CDH18: variants seen among roughly 807,000 people sequenced by gnomAD.
CDH18 encodes cadherin-18.
CDH18 carries 31 observed loss-of-function variants against 67.9 expected under a neutral mutation model. The observed-to-expected ratio is 0.46, with a 90% CI of 0.34 to 0.62. The LOEUF (loss-of-function observed/expected upper bound fraction) is 0.62. Among genes scored for constraint, CDH18 ranks in the 20% least tolerant of loss-of-function variants. CDH18 has a pLI of 0.01. For missense variants in CDH18, 890 were observed against 975.5 expected (o/e 0.91, Z 1.17); for synonymous variants, 362 against 347.2 (o/e 1.04, Z -0.48).
intron 9 of CDH18, among the ~76,000 whole-genome samples, chr5:19,522,292 A>T (rs1359472182): frequency 6.6e-6 from 1 of 152,172 alleles, no homozygotes; most frequent in Non-Finnish European, 1.5e-5. Context: ...TGCATCATAC[A>T]TCATTCTTAA....
In CDH18 at chr5:19,963,193, C is replaced by A. The variant is rs1204167542; in HGVS notation, c.-257+17867G>T. Among the ~76,000 whole-genome samples, 6 of 152,112 alleles carry A rather than the reference C, an allele frequency of 3.9e-5. 1 individual carries two copies. Among genetic ancestry groups the A allele is most frequent in the Admixed American group, 2.0e-4 (3 of 15,274 alleles). On this transcript the variant is annotated intron_variant, in intron 2 of 12. Transcript: ENST00000382275. ...TTCCTTACATACCGTCATAATTTTACAGTATTTCCATTTATGAAGGTTTAA... is the reference window on the plus strand; with the variant it reads ...TTCCTTACATACCGTCATAATTTTAAAGTATTTCCATTTATGAAGGTTTAA...
intron 2 of CDH18, among the ~76,000 whole-genome samples, chr5:20,066,608 T>C (rs1490408831): frequency 6.6e-6 from 1 of 152,020 alleles, no homozygotes; most frequent in Non-Finnish European, 1.5e-5. Flanking sequence ...ATTTAAAGTA[T>C]CCAATTTTGT....
At chr5:20,566,117 G>A (rs1758488856) in intron 1 of CDH18, among the ~76,000 whole-genome samples, 1 of 151,966 alleles carries the variant, frequency 6.6e-6, no homozygotes, top group South Asian at 2.1e-4. Context: ...GTAAAGTCAG[G>A]AGATACTAAG....
In CDH18 at chr5:19,585,751, C is replaced by T. The variant is rs564923819; in HGVS notation, c.999+5306G>A. ...TTTGCTTTATAATCTTTCTCCACCA[C>T]GTAGGTACTAACCTTCTCCAAGAAG... On this transcript the variant is annotated intron_variant, in intron 7 of 12. Transcript: ENST00000382275. 4.0e-4 allele frequency among the ~76,000 whole-genome samples: 61 copies of T among 152,310 alleles called. 1 individual carries two copies. The South Asian group carries it at 9.5e-3, about 24-fold the overall frequency.
chr5:20,203,138 G>A (rs887191155), intron 2 of CDH18, among the ~76,000 whole-genome samples: 32 of 152,254 alleles, frequency 2.1e-4, no homozygotes, highest in South Asian at 1.2e-3. Flanking sequence ...CCTACTCATG[G>A]TTTCTGTACT....
chr5:20,028,174 G>A (rs1317154569), intron 2 of CDH18, among the ~76,000 whole-genome samples: 1 of 150,572 alleles, frequency 6.6e-6, no homozygotes, highest in Non-Finnish European at 1.5e-5. Context: ...AACTACTTGT[G>A]CACCAAGCTG....
intron 1 of CDH18, among the ~76,000 whole-genome samples, chr5:20,280,524 A>G (rs569384788): frequency 6.6e-6 from 1 of 152,272 alleles, no homozygotes; most frequent in African/African-American, 2.4e-5. Flanking sequence ...ATGTCCCTAC[A>G]AAGGACATGA....
At chr5:19,739,085 A>C (rs1019021551) in intron 4 of CDH18, among the ~76,000 whole-genome samples, 1 of 152,176 alleles carries the variant, frequency 6.6e-6, no homozygotes, top group Non-Finnish European at 1.5e-5. Flanking sequence ...TTACCCAATG[A>C]AACAGATATT....
At chr5:20,091,590 C>T (rs1246722408) in intron 2 of CDH18, among the ~76,000 whole-genome samples, 1 of 152,152 alleles carries the variant, frequency 6.6e-6, no homozygotes, top group African/African-American at 2.4e-5. Flanking sequence ...ATCATTATAG[C>T]TCAGCCAATA....
intron 1 of CDH18, among the ~76,000 whole-genome samples, chr5:20,333,524 T>TACAC (rs1464026115): frequency 8.7e-5 from 9 of 103,384 alleles, no homozygotes; most frequent in African/African-American, 3.0e-4. Context: ...AAAAACAATA[T>TACAC]ATATACACAC....
At chr5:20,258,643 G>C (rs899792120) in intron 1 of CDH18, among the ~76,000 whole-genome samples, 14 of 151,998 alleles carry the variant, frequency 9.2e-5, no homozygotes, top group Non-Finnish European at 1.3e-4. Context: ...TTATTTATTT[G>C]TATTTAATTT....
intron 4 of CDH18, 34 bp downstream of exon 4, chr5:19,746,908 T>C (rs749094890): frequency 6.4e-7 from 1 of 1,574,688 alleles, no homozygotes; most frequent in Non-Finnish European, 8.7e-7. Context: ...TCTTAATATG[T>C]TAATTGCATA....
chr5:19,618,469 G>A (rs146949294), intron 5 of CDH18, among the ~76,000 whole-genome samples: 4,900 of 152,246 alleles, frequency 0.032, 255 homozygotes, highest in African/African-American at 0.11. Context: ...GCCTCCCGAA[G>A]TGCTGGGATT....
intron 2 of CDH18, among the ~76,000 whole-genome samples, chr5:19,979,462 G>A (rs530493610): frequency 6.6e-6 from 1 of 152,064 alleles, no homozygotes; most frequent in African/African-American, 2.4e-5. Flanking sequence ...AAATCACTAG[G>A]AAATGGCAAG....
chr5:19,912,388 G>A (rs1791250817), intron 2 of CDH18, among the ~76,000 whole-genome samples: 1 of 152,108 alleles, frequency 6.6e-6, no homozygotes, highest in Non-Finnish European at 1.5e-5. Context: ...TAGTGACACA[G>A]AGGACATGTT....
At chr5:19,815,351 T>C (rs1359111797) in intron 3 of CDH18, among the ~76,000 whole-genome samples, 1 of 151,972 alleles carries the variant, frequency 6.6e-6, no homozygotes, top group Non-Finnish European at 1.5e-5. Context: ...TATGAAAACA[T>C]GTTTATATAG....
intron 2 of CDH18, among the ~76,000 whole-genome samples, chr5:19,994,829 A>AATATAT (rs1554078421): frequency 8.6e-4 from 18 of 21,030 alleles, no homozygotes; most frequent in East Asian, 1.6e-3. Flanking sequence ...ATATAAAGAG[A>AATATAT]ATATATATAT....
At chr5:19,889,907 CAT>C (rs1274208986) in intron 2 of CDH18, among the ~76,000 whole-genome samples, 2 of 152,096 alleles carry the variant, frequency 1.3e-5, no homozygotes, top group Non-Finnish European at 2.9e-5. Context: ...AATATGTACA[CAT>C]GAGAAAAATC....
chr5:20,463,776 C>T (rs1252588129), intron 1 of CDH18, among the ~76,000 whole-genome samples: 1 of 152,122 alleles, frequency 6.6e-6, no homozygotes, highest in Non-Finnish European at 1.5e-5. Context: ...GTGAGGAATG[C>T]CGTCTATTTG....
Sources: gnomAD v4.1 joint callset for allele counts (sites outside exome capture counted in the v4.1 genomes callset) on GRCh38, gnomAD v4.1.1 for gene constraint, MANE v1.5 for transcripts, NCBI Gene and HGNC (gene_info 2026-07-23, HGNC 2026-07-21) for gene names.